The following CARD8 variants were observed in gnomAD, a reference collection of about 807,000 sequenced individuals.
The protein encoded by CARD8 is caspase recruitment domain family member 8, also known as caspase recruitment domain-containing protein 8.
A neutral mutation model predicts 53.2 loss-of-function variants in CARD8; 38 were observed. The observed-to-expected ratio is 0.71, with a 90% CI of 0.55 to 0.94. CARD8 has a LOEUF of 0.94. CARD8 is among the 40% of genes least tolerant of loss of function. The pLI, the probability that CARD8 is intolerant of heterozygous loss-of-function variation, is 0.00. For missense variants in CARD8, 561 were observed against 655.5 expected (o/e 0.86, Z 1.57); for synonymous variants, 245 against 244.9 (o/e 1.00, Z 0.00).
chr19:48,238,351 T>A, intron 5 of CARD8, 32 bp downstream of exon 5: 1 of 1,529,450 alleles, frequency 6.5e-7, no homozygotes, highest in Non-Finnish European at 8.7e-7. Flanking sequence ...TCCAAATCTT[T>A]AATTTTTTCC....
chr19:48,249,406 C>T (rs1036973414), intron 3 of CARD8, 117 bp downstream of exon 3: 1 of 152,068 alleles, frequency 6.6e-6, no homozygotes, highest in African/African-American at 2.4e-5. Context: ...TCATATATTG[C>T]TTCAATTTTA....
intron 1 of CARD8, among the ~76,000 whole-genome samples, chr19:48,252,808 T>TATATAC (rs113740488): frequency 0.13 from 18,670 of 148,176 alleles, 1,287 homozygotes; most frequent in Non-Finnish European, 0.16. Context: ...TATCAGTATA[T>TATATAC]ACACACACAC....
downstream of CARD8, among the ~76,000 whole-genome samples, chr19:48,206,007 C>T (rs936812733): frequency 6.6e-6 from 1 of 152,142 alleles, no homozygotes; most frequent in African/African-American, 2.4e-5. Flanking sequence ...AAGCAATTCT[C>T]CTGCCTCAGC....
chr19:48,219,012 C>T lies in CARD8; in HGVS notation c.1162G>A (p.Glu388Lys). 1 of 1,613,928 alleles carries T rather than the reference C, an allele frequency of 6.2e-7. No individual in the cohort carries two copies. The highest frequency in any genetic ancestry group is 1.1e-5 in the South Asian group (1 of 91,060). The change falls in exon 12 of 14, where the codon GAG (glutamate) becomes AAG (lysine). Residue 388 changes from glutamate to lysine, a missense_variant and splice_region_variant. Transcript: ENST00000651546. Reference sequence around the variant, plus strand: ...GGGCTCCTGTAGGACAATTTCAACTCCTAGAGGAAACACATCAGTTGACTT... The same window carrying T: ...GGGCTCCTGTAGGACAATTTCAACTTCTAGAGGAAACACATCAGTTGACTT... The part of the protein sequence containing the change: ...NSANLKVMPK[E>K]LKLSYRSPGE...
At position 48,238,255 on chromosome 19, in the gene CARD8, G is replaced by C. The variant is rs1316807832; in HGVS notation, c.209+128C>G. The C allele has an allele frequency of 2.9e-6, 4 of 1,391,254 alleles. No homozygotes were observed. In the African/African-American group the frequency reaches 5.8e-5, roughly 20 times the overall value. The allele number at this position is 1,391,254 out of a possible 1,614,324, so 86.2% of individuals were successfully genotyped here. A position where few individuals can be genotyped will look rare whatever the true frequency, so the allele number is the denominator to read the frequency against. On this transcript the variant is annotated intron_variant, in intron 5 of 13. Transcript: ENST00000651546. ...AATAAAAACTTAAGATAACAAAGAA[G>C]AAAAGTAACATATATACTAATTTTT... is the stretch of plus-strand genomic sequence containing the variant.
downstream of CARD8, among the ~76,000 whole-genome samples, chr19:48,207,744 T>TTTTGTTTTTTTTTG (rs1555790219): frequency 8.9e-5 from 8 of 90,302 alleles, no homozygotes; most frequent in Admixed American, 2.1e-4. Context: ...GTTTTTTTTT[T>TTTTGTTTTTTTTTG]TTTTTTTTTG....
At chr19:48,226,791 G>GAATCAA (rs2145987811) in intron 10 of CARD8, among the ~76,000 whole-genome samples, 2 of 152,146 alleles carry the variant, frequency 1.3e-5, no homozygotes, top group Non-Finnish European at 2.9e-5. Context: ...AAAATGAAAA[G>GAATCAA]AATCAAAATT....
intron 7 of CARD8, 115 bp from the exon 8 acceptor site, chr19:48,231,925 G>T: frequency 2.2e-6 from 2 of 891,382 alleles, no homozygotes; most frequent in Admixed American, 1.9e-5. Context: ...TCGAATGAGA[G>T]CTGAGAGTGA....
intron 3 of CARD8, among the ~76,000 whole-genome samples, chr19:48,247,051 C>T (rs905208416): frequency 1.3e-5 from 2 of 152,214 alleles, no homozygotes; most frequent in African/African-American, 4.8e-5. Flanking sequence ...AGGCCAGGCG[C>T]TATGGCTCAA....
chr19:48,247,777 TAC>T (rs374426231), intron 3 of CARD8, among the ~76,000 whole-genome samples: 20,136 of 85,308 alleles, frequency 0.24, 1,331 homozygotes, highest in African/African-American at 0.3. Flanking sequence ...TATATATATA[TAC>T]ACACACACAC....
At chr19:48,232,713 C>G (rs546599977) in intron 6 of CARD8, 2 of 668,850 alleles carry the variant, frequency 3.0e-6, no homozygotes, top group African/African-American at 3.5e-5. Context: ...ATATCACTCA[C>G]GGCTATAACA....
chr19:48,255,281 G>A (rs376639236), intron 1 of CARD8, among the ~76,000 whole-genome samples: 1 of 152,114 alleles, frequency 6.6e-6, no homozygotes, highest in East Asian at 1.9e-4. Context: ...CACGAGAATC[G>A]CTTGAACCTG....
At chr19:48,221,945 A>G (rs1222709616) in intron 10 of CARD8, 90 bp from the exon 11 acceptor site, 1 of 1,043,258 alleles carries the variant, frequency 9.6e-7, no homozygotes, top group Non-Finnish European at 1.4e-6. Context: ...TATATTAAGT[A>G]GCACGTAGGC....
intron 6 of CARD8, chr19:48,233,108 C>T: frequency 2.8e-6 from 1 of 353,976 alleles, no homozygotes; most frequent in South Asian, 2.2e-5. Flanking sequence ...AGGTCACAGC[C>T]CACATCAATT....
intron 10 of CARD8, among the ~76,000 whole-genome samples, chr19:48,226,975 T>C (rs1414919183): frequency 1.3e-5 from 2 of 150,922 alleles, no homozygotes; most frequent in African/African-American, 4.9e-5. Context: ...GCAGACACCA[T>C]AATCCCGGTG....
intron 10 of CARD8, among the ~76,000 whole-genome samples, chr19:48,229,170 C>A (rs750751573): frequency 9.2e-5 from 14 of 152,126 alleles, no homozygotes; most frequent in Admixed American, 2.6e-4. Flanking sequence ...AGAAAAAGAA[C>A]AAGGAGGCTT....
chr19:48,213,594 A>G (rs6509363), intron 13 of CARD8, among the ~76,000 whole-genome samples: 129,188 of 152,116 alleles, frequency 0.85, 55,175 homozygotes, highest in South Asian at 0.91. Flanking sequence ...GGCTGGTCTC[A>G]AACTCCTGAC....
intron 6 of CARD8, 64 bp from the exon 7 acceptor site, chr19:48,232,557 G>A: frequency 7.3e-7 from 1 of 1,376,726 alleles, no homozygotes; most frequent in Non-Finnish European, 1.0e-6. Context: ...TGATGAAGAT[G>A]AAGACGATGT....
chr19:48,240,007 A>C (rs796697055), intron 4 of CARD8, among the ~76,000 whole-genome samples: 3 of 152,298 alleles, frequency 2.0e-5, no homozygotes, highest in African/African-American at 7.2e-5. Flanking sequence ...CGCTACCTTT[A>C]TCACCTGACA....
Sources: gnomAD v4.1 joint callset for allele counts (sites outside exome capture counted in the v4.1 genomes callset) on GRCh38, gnomAD v4.1.1 for gene constraint, MANE v1.5 for transcripts, NCBI Gene and HGNC (gene_info 2026-07-23, HGNC 2026-07-21) for gene names.